The following AGPAT3 variants were observed in gnomAD, a reference collection of about 807,000 sequenced individuals.
AGPAT3 encodes the protein 1-acylglycerol-3-phosphate O-acyltransferase 3, also known as 1-acyl-sn-glycerol-3-phosphate acyltransferase gamma.
A neutral mutation model predicts 47.3 loss-of-function variants in AGPAT3; 5 were observed. That is an observed-to-expected ratio of 0.11 (90% confidence interval 0.06 to 0.22). The LOEUF is 0.22. Ranked by LOEUF, AGPAT3 falls within the 10% of genes least tolerant of loss-of-function variation. The pLI, the probability that AGPAT3 is intolerant of heterozygous loss-of-function variation, is 1.00. For synonymous variants in AGPAT3, 212 were observed against 208.3 expected (o/e 1.02, Z -0.15); for missense variants, 315 against 493.0 (o/e 0.64, Z 3.42).
At chr21:43,969,069 C>T in intron 4 of AGPAT3, 49 bp from the exon 5 acceptor site, 1 of 1,600,874 alleles carries the variant, frequency 6.2e-7, no homozygotes, top group African/African-American at 1.3e-5. Flanking sequence ...AGCCCCTGGC[C>T]TCTGTCCGAC....
intron 1 of AGPAT3, among the ~76,000 whole-genome samples, chr21:43,876,136 G>A (rs1353540104): frequency 6.6e-6 from 1 of 151,980 alleles, no homozygotes; most frequent in African/African-American, 2.4e-5. Flanking sequence ...ATTCCTGAAA[G>A]TTCTCTTTGT....
intron 2 of AGPAT3, among the ~76,000 whole-genome samples, chr21:43,911,690 A>G (rs1350693594): frequency 1.3e-5 from 2 of 152,232 alleles, no homozygotes; most frequent in African/African-American, 2.4e-5. Context: ...AACATCCCAC[A>G]CGGGGTTCCT....
At chr21:43,897,486 G>A (rs943034523) in intron 1 of AGPAT3, among the ~76,000 whole-genome samples, 3 of 151,990 alleles carry the variant, frequency 2.0e-5, no homozygotes, top group African/African-American at 7.3e-5. Flanking sequence ...GAGCTGTTAG[G>A]CACACCTGCA....
chr21:43,918,855 G>T (rs1213121076), intron 2 of AGPAT3, among the ~76,000 whole-genome samples: 1 of 152,244 alleles, frequency 6.6e-6, no homozygotes, highest in East Asian at 1.9e-4. Context: ...GGGATTACAG[G>T]TGTGAGCTAC....
chr21:43,935,641 C>G (rs1407061665), intron 2 of AGPAT3, among the ~76,000 whole-genome samples: 3 of 152,194 alleles, frequency 2.0e-5, no homozygotes, highest in Non-Finnish European at 4.4e-5. Flanking sequence ...GGCCTCAGGG[C>G]TGGGTCTGCC....
rs561769909 is a variant in AGPAT3, at chr21:43,895,111, AT to A, written c.-111-8835del. ...CGGCATTTTATTTTATTATTTATTT[AT>A]TTTTTTTTTTGAGACAGAGTCTTGC... On this transcript the variant is annotated intron_variant, in intron 1 of 9. Transcript: ENST00000291572. Among the ~76,000 whole-genome samples, 724 of 145,304 alleles carry A rather than the reference AT, an allele frequency of 5.0e-3. 4 individuals carry two copies. Among genetic ancestry groups the A allele is most frequent in the African/African-American group, 0.016 (641 of 39,814 alleles).
At chr21:43,887,330 C>T (rs149832136) in intron 1 of AGPAT3, among the ~76,000 whole-genome samples, 287 of 152,296 alleles carry the variant, frequency 1.9e-3, no homozygotes, top group African/African-American at 6.7e-3. Flanking sequence ...CAAATGCAGC[C>T]TAGGAACCTG....
At chr21:43,886,471 C>T (rs752343031) in intron 1 of AGPAT3, among the ~76,000 whole-genome samples, 37 of 152,130 alleles carry the variant, frequency 2.4e-4, no homozygotes, top group Non-Finnish European at 3.8e-4. Context: ...AGGCTGGTCT[C>T]GAACTCCTGA....
At chr21:43,896,943 G>GTTTTTTTTTTTTTTTTTTTTTTTTC (rs2086230022) in intron 1 of AGPAT3, among the ~76,000 whole-genome samples, 1 of 42,322 alleles carries the variant, frequency 2.4e-5, no homozygotes, top group Non-Finnish European at 4.4e-5. Context: ...TTGACAGTCC[G>GTTTTTTTTTTTTTTTTTTTTTTTTC]TTTTTTTTTT....
At chr21:43,869,279 A>G (rs1355549108) in intron 1 of AGPAT3, among the ~76,000 whole-genome samples, 1 of 152,228 alleles carries the variant, frequency 6.6e-6, no homozygotes, top group African/African-American at 2.4e-5. Context: ...TGATTGGGTT[A>G]AGCTTTTCAT....
intron 7 of AGPAT3, among the ~76,000 whole-genome samples, chr21:43,973,205 A>T (rs2089467562): frequency 6.6e-6 from 1 of 152,224 alleles, no homozygotes; most frequent in Non-Finnish European, 1.5e-5. Context: ...TGGGGCCACG[A>T]GCTGAGAGTT....
chr21:43,946,526 G>A lies in AGPAT3; in HGVS notation c.-48-13108G>A, dbSNP rs553692152. Among the ~76,000 whole-genome samples, 11 of 151,792 alleles carry A rather than the reference G, an allele frequency of 7.2e-5. No individual in the cohort carries two copies. The South Asian group carries it at 2.3e-3, about 32-fold the overall frequency. Reference sequence around the variant, plus strand: ...GAGGCAGGAGAATCACTTGAATCCAGGAGGCAGAGTTTGCAGTGAGCTGAG... The same window carrying A: ...GAGGCAGGAGAATCACTTGAATCCAAGAGGCAGAGTTTGCAGTGAGCTGAG... On this transcript the variant is annotated intron_variant, in intron 2 of 9. Coordinates refer to ENST00000291572, the MANE Select transcript of AGPAT3 (RefSeq NM_020132.5).
intron 1 of AGPAT3, among the ~76,000 whole-genome samples, chr21:43,876,878 A>C (rs946502334): frequency 1.3e-5 from 2 of 151,372 alleles, no homozygotes; most frequent in Non-Finnish European, 2.9e-5. Flanking sequence ...TTTTTTTTTG[A>C]GACAAAGTCT....
At chr21:43,879,444 A>T (rs545337019) in intron 1 of AGPAT3, among the ~76,000 whole-genome samples, 3 of 151,812 alleles carry the variant, frequency 2.0e-5, no homozygotes, top group African/African-American at 7.3e-5. Context: ...GATGCTGTAC[A>T]GTATTTTATT....
intron 2 of AGPAT3, among the ~76,000 whole-genome samples, chr21:43,953,156 G>A (rs139075155): frequency 2.4e-4 from 36 of 152,330 alleles, no homozygotes; most frequent in African/African-American, 7.2e-4. Context: ...TGCCTTAGCC[G>A]CTTCAACACC....
chr21:43,907,703 C>A (rs1390669915), intron 2 of AGPAT3, among the ~76,000 whole-genome samples: 1 of 152,128 alleles, frequency 6.6e-6, no homozygotes, highest in Non-Finnish European at 1.5e-5. Flanking sequence ...GGCGACAGAG[C>A]GAGACTCCGT....
At position 43,922,816 on chromosome 21, in the gene AGPAT3, G is replaced by C. The variant is rs764330917; in HGVS notation, c.-49+18797G>C. Among the ~76,000 whole-genome samples the C allele has an allele frequency of 6.6e-6, 1 of 152,218 alleles. No individual in the cohort carries two copies. The highest frequency in any genetic ancestry group is 1.9e-4 in the East Asian group (1 of 5,192). On this transcript the variant is annotated intron_variant, in intron 2 of 9. Coordinates refer to ENST00000291572, the MANE Select transcript of AGPAT3 (RefSeq NM_020132.5). This position sits in a 1 kb window ranked among gnomAD's most constrained non-coding sequence, Gnocchi z 4.9. ...CCAGGCAGGTCACTCCGTCAGCATAGGGGCTGCCATGAGGATTGGCTGCAT... is the reference window on the plus strand; with the variant it reads ...CCAGGCAGGTCACTCCGTCAGCATACGGGCTGCCATGAGGATTGGCTGCAT...
Position 43,932,291 on chromosome 21 carries a change from C to T in AGPAT3, c.-48-27343C>T, listed in dbSNP as rs777133935. 4.6e-5 allele frequency among the ~76,000 whole-genome samples: 7 copies of T among 152,196 alleles called. No individual in the cohort carries two copies. The highest frequency in any genetic ancestry group is 1.0e-4 in the Non-Finnish European group (7 of 68,038). On this transcript the variant is annotated intron_variant, in intron 2 of 9. Coordinates refer to ENST00000291572, the MANE Select transcript of AGPAT3 (RefSeq NM_020132.5). This position sits in a 1 kb window ranked among gnomAD's most constrained non-coding sequence, Gnocchi z 5.2. The stretch of plus-strand genomic sequence containing the variant: ...GCCCAAGCCCCCAGCCCCTGGTAAC[C>T]ACCGTGCTCCTCCCAGTTCTGGTGA...
chr21:43,870,418 G>A (rs1215686995), intron 1 of AGPAT3, among the ~76,000 whole-genome samples: 1 of 152,058 alleles, frequency 6.6e-6, no homozygotes, highest in Non-Finnish European at 1.5e-5. Context: ...TTAAATGTTA[G>A]TGAATTATTG....
Sources: gnomAD v4.1 joint callset for allele counts (sites outside exome capture counted in the v4.1 genomes callset) on GRCh38, gnomAD v4.1.1 for gene constraint, Gnocchi (gnomAD v3.1) non-coding constraint, MANE v1.5 for transcripts, NCBI Gene and HGNC (gene_info 2026-07-23, HGNC 2026-07-21) for gene names.